The following ERN2 variants were observed in gnomAD, a reference collection of about 807,000 sequenced individuals.
The protein encoded by ERN2 is serine/threonine-protein kinase/endoribonuclease IRE2.
ERN2 carries 111 observed loss-of-function variants against 107.9 expected under a neutral mutation model. The observed-to-expected ratio is 1.03, with a 90% CI of 0.88 to 1.20. ERN2 has a LOEUF of 1.20. Ranked by LOEUF, ERN2 falls within the 50% of genes most tolerant of loss-of-function variation. The pLI, the probability that ERN2 is intolerant of heterozygous loss-of-function variation, is 0.00. For missense variants in ERN2, 1,225 were observed against 1,197.9 expected, an observed-to-expected ratio of 1.02 and a Z score of -0.33; for synonymous variants, 524 against 501.7, an observed-to-expected ratio of 1.04 and a Z score of -0.59.
At chr16:23,710,144 C>T (rs758649062) in intron 4 of ERN2, 28 bp downstream of exon 4, 2 of 1,552,832 alleles carry the variant, frequency 1.3e-6, no homozygotes, top group East Asian at 2.2e-5. Context: ...TGGCTCTCAC[C>T]CATTCCCGAA....
rs139282073 is a variant in ERN2 at position 23,707,611 on chromosome 16, A to T, written c.307-532T>A. Among the ~76,000 whole-genome samples, 963 of 152,232 alleles carry T rather than the reference A, an allele frequency of 6.3e-3. 12 individuals are homozygous for T. The highest frequency in any genetic ancestry group is 0.02 in the African/African-American group (849 of 41,550). On this transcript the variant is annotated intron_variant, in intron 4 of 21. Transcript: ENST00000256797. ...GTGCCTGTAGTCCCAGCTACTTGTG[A>T]GTCTGAGGCAGGAGGATCGCTTAAG...
Position 23,713,114 on chromosome 16 carries a change from A to G in ERN2, c.74T>C (p.Leu25Pro). 1 of 1,577,346 alleles carries G rather than the reference A, an allele frequency of 6.3e-7. No homozygotes were observed. Among genetic ancestry groups the G allele is most frequent in the Non-Finnish European group, 8.6e-7 (1 of 1,167,478 alleles). ...GLQLQFAALL[L>P]GTLSPQVHTL... The stretch of plus-strand genomic sequence containing the variant: ...TCTCACCTGTGGACTCAGCGTCCCG[A>G]GCAGCAGCGCCGCGAACTGGAGCTG... The change falls in exon 1 of 22, where the codon CTC (leucine) becomes CCC (proline). Residue 25 changes from leucine to proline, a missense_variant. Coordinates refer to ENST00000256797, the MANE Select transcript of ERN2 (RefSeq NM_033266.4).
At chr16:23,702,369 A>G (rs374287929) in intron 10 of ERN2, 21 bp downstream of exon 10, 23 of 1,611,202 alleles carry the variant, frequency 1.4e-5, no homozygotes, top group Middle Eastern at 1.6e-4. Context: ...TCTACTCCCA[A>G]TTTGAGCCAG....
At chr16:23,705,218 G>A (rs548094026) in intron 7 of ERN2, 71 bp from the exon 8 acceptor site, 1 of 1,528,380 alleles carries the variant, frequency 6.5e-7, no homozygotes, top group African/African-American at 1.4e-5. Flanking sequence ...GTGCCCTCTG[G>A]GTGAGGGGTC....
In ERN2 at chr16:23,705,068, C is replaced by T. The variant is rs779372807; in HGVS notation, c.669G>A (p.Gln223=). 3 of 1,613,876 alleles carry T rather than the reference C, an allele frequency of 1.9e-6. No homozygotes were observed. The highest frequency in any genetic ancestry group is 2.7e-5 in the African/African-American group (2 of 74,926). The stretch of plus-strand genomic sequence containing the variant: ...CGCCCATCACAGGCACGCCCAGGTC[C>T]TGTGTCCACAGCACCGTCCCGCTTC... ...DPGSGTVLWT[Q]DLGVPVMGVY... The change falls in exon 8 of 22, where the codon CAG becomes CAA. Residue 223 remains glutamine, a synonymous_variant. Coordinates refer to ENST00000256797, the MANE Select transcript of ERN2 (RefSeq NM_033266.4).
intron 13 of ERN2, among the ~76,000 whole-genome samples, chr16:23,700,164 GCAAAA>G (rs961792337): frequency 2.0e-5 from 3 of 151,950 alleles, no homozygotes; most frequent in African/African-American, 7.3e-5. Context: ...CCCAATCTCT[GCAAAA>G]CAAAACAAAA....
chr16:23,696,199 C>T (rs1959820740), intron 13 of ERN2, among the ~76,000 whole-genome samples: 1 of 152,216 alleles, frequency 6.6e-6, no homozygotes, highest in Admixed American at 6.5e-5. Flanking sequence ...ACTTCTGTGC[C>T]CTCGGTATTC....
Position 23,702,523 on chromosome 16 carries a change from G to A in ERN2, c.948C>T (p.Thr316=). Residue 316 remains threonine, a synonymous_variant, in exon 10 of 22, where the codon ACC becomes ACT. Transcript: ENST00000256797. Reference sequence around the variant, plus strand: ...TGGTGGGGCCATCTGCGGGGGCCAGGGTCAGTCCACGAGGCTATGGCAGAA... The same window carrying A: ...TGGTGGGGCCATCTGCGGGGGCCAGAGTCAGTCCACGAGGCTATGGCAGAA... The part of the protein sequence containing the change: ...TGVALVPRGL[T]LAPADGPTTD... 1 of 1,614,050 alleles carries A rather than the reference G, an allele frequency of 6.2e-7. No individual in the cohort carries two copies. The highest frequency in any genetic ancestry group is 1.6e-4 in the Middle Eastern group (1 of 6,062).
chr16:23,710,186 G>A lies in ERN2; in HGVS notation c.292C>T (p.Gln98Ter). Residue 98 changes from glutamine to a stop codon, truncating the protein, a stop_gained, in exon 4 of 22, where the codon CAA becomes TAA. Transcript: ENST00000256797. LOFTEE classifies it high-confidence loss of function. ...GGGATACAAACCATTAATCCCTGTT[G>A]TTTTTGGGTCCCCAAGATGTACAGG... is the stretch of plus-strand genomic sequence containing the variant. ...GSLYILGTQK[Q>*]QGLMKLPFTI... The A allele has an allele frequency of 6.2e-7, 1 of 1,613,150 alleles. No individual in the cohort carries two copies. The highest frequency in any genetic ancestry group is 8.5e-7 in the Non-Finnish European group (1 of 1,179,100).
At chr16:23,692,125 C>T (rs762638347) in intron 18 of ERN2, 35 bp from the exon 19 acceptor site, 33 of 1,613,716 alleles carry the variant, frequency 2.0e-5, no homozygotes, top group Non-Finnish European at 2.5e-5. Context: ...GAGTCTGCTT[C>T]AGGCCTGCCT....
chr16:23,691,553 T>C, intron 19 of ERN2, 128 bp from the exon 20 acceptor site: 1 of 1,112,726 alleles, frequency 9.0e-7, no homozygotes, highest in Non-Finnish European at 1.3e-6. Flanking sequence ...GTGAAGCTTC[T>C]CTGTGCCACG....
intron 13 of ERN2, chr16:23,697,358 T>G (rs1015563431): frequency 4.8e-4 from 73 of 152,160 alleles, no homozygotes; most frequent in African/African-American, 1.7e-3. Context: ...GTAGATGGGC[T>G]CAGGCAGGGC....
chr16:23,700,887 T>C, intron 12 of ERN2, 72 bp downstream of exon 12: 22 of 1,538,096 alleles, frequency 1.4e-5, no homozygotes, highest in Non-Finnish European at 1.9e-5. Flanking sequence ...AGGGAGAGAG[T>C]TGCTGAGTGG....
intron 14 of ERN2, 101 bp from the exon 15 acceptor site, chr16:23,695,490 C>T: frequency 8.3e-7 from 1 of 1,201,710 alleles, no homozygotes; most frequent in Non-Finnish European, 1.2e-6. Context: ...CTTTGGGAGG[C>T]CAAGGCGGGC....
Position 23,691,317 on chromosome 16 carries a change from T to C in ERN2, c.2485A>G (p.Met829Val). ...VRDNWHEHIS[M>V]PLQTDLRKFR... Reference sequence around the variant, plus strand: ...TGGCCTCTACCTGTCTGCAGCGGCATGGAGATGTGCTCGTGCCAGTTGTCC... The same window carrying C: ...TGGCCTCTACCTGTCTGCAGCGGCACGGAGATGTGCTCGTGCCAGTTGTCC... Residue 829 changes from methionine (M) to valine (V), a missense_variant, in exon 20 of 22, where the codon ATG (methionine) becomes GTG (valine). Coordinates refer to ENST00000256797, the MANE Select transcript of ERN2 (RefSeq NM_033266.4). The C allele has an allele frequency of 6.2e-7, 1 of 1,610,248 alleles. No individual in the cohort carries two copies. The highest frequency in any genetic ancestry group is 1.1e-5 in the South Asian group (1 of 91,074).
At chr16:23,700,390 C>T (rs747134628) in intron 13 of ERN2, 149 bp downstream of exon 13, 104 of 735,350 alleles carry the variant, frequency 1.4e-4, no homozygotes, top group Non-Finnish European at 1.8e-4. Context: ...TGCTCAATTA[C>T]GTAGCAGGCT....
At chr16:23,696,198 C>T (rs554230391) in intron 13 of ERN2, among the ~76,000 whole-genome samples, 1 of 152,334 alleles carries the variant, frequency 6.6e-6, no homozygotes, top group South Asian at 2.1e-4. Flanking sequence ...CACTTCTGTG[C>T]CCTCGGTATT....
intron 4 of ERN2, among the ~76,000 whole-genome samples, chr16:23,708,581 C>T (rs1273333667): frequency 1.3e-5 from 2 of 152,068 alleles, no homozygotes; most frequent in Non-Finnish European, 2.9e-5. Context: ...TGGTTTCAAA[C>T]TCCTAACCTC....
rs556200167 is a variant in ERN2 at position 23,694,768 on chromosome 16, A to G, written c.2060T>C (p.Met687Thr). The G allele has an allele frequency of 6.2e-6, 10 of 1,612,052 alleles. No homozygotes were observed. In the South Asian group the frequency reaches 9.9e-5, roughly 16 times the overall value. Reference sequence around the variant, plus strand: ...CAGGAGCTGCAGAAGCTCGGGCGCCATCCAGCCTTCCGTGCCGGGGATGCC... The same window carrying G: ...CAGGAGCTGCAGAAGCTCGGGCGCCGTCCAGCCTTCCGTGCCGGGGATGCC... ...HSGIPGTEGW[M>T]APELLQLLPP... The change falls in exon 17 of 22, where the codon ATG becomes ACG. Residue 687 changes from methionine to threonine, a missense_variant. Transcript: ENST00000256797.
Sources: allele counts gnomAD v4.1 joint callset (sites outside exome capture counted in the v4.1 genomes callset), GRCh38; gene constraint gnomAD v4.1.1; transcripts MANE v1.5; gene names NCBI Gene and HGNC (gene_info 2026-07-23, HGNC 2026-07-21).